KRT31: variants seen among roughly 807,000 people sequenced by gnomAD.
The protein encoded by KRT31 is keratin, type I cuticular Ha1.
Under a neutral mutation model 40.8 loss-of-function variants are expected in KRT31, and 27 were observed. The ratio of observed to expected loss-of-function variants is 0.66; its 90% confidence interval spans 0.49 to 0.91. The LOEUF (loss-of-function observed/expected upper bound fraction) is 0.91, where lower values mean the gene tolerates loss of function less well. KRT31 is among the 40% of genes least tolerant of loss of function. KRT31 has a pLI of 0.00. For synonymous variants in KRT31, 231 were observed against 231.9 expected, an observed-to-expected ratio of 1.00 and a Z score of 0.03; for missense variants, 510 against 544.1, an observed-to-expected ratio of 0.94 and a Z score of 0.62.
rs755722513 is a variant in KRT31, at chr17:41,395,640, T to C, written c.589-17A>G. ...ATTGACCTCCTATGGATGCAGAAAATACAAGAGTTACTATGCTCAGCAAAG... is the reference window on the plus strand; with the variant it reads ...ATTGACCTCCTATGGATGCAGAAAACACAAGAGTTACTATGCTCAGCAAAG... On this transcript the variant is annotated splice_polypyrimidine_tract_variant and intron_variant, in intron 3 of 6. Transcript: ENST00000251645. 6.2e-7 allele frequency: 1 copy of C among 1,610,914 alleles called. No homozygotes were observed. The highest frequency in any genetic ancestry group is 8.5e-7 in the Non-Finnish European group (1 of 1,178,356).
In KRT31 at chr17:41,393,843, A is replaced by G. The variant is rs748672184; in HGVS notation, c.*173T>C. On this transcript the variant is annotated 3_prime_UTR_variant, in exon 7 of 7. Coordinates refer to ENST00000251645, the MANE Select transcript of KRT31 (RefSeq NM_002277.3). ...CCAGGAAGGAAAGGGTGAGCAGGACAGTCTGGAGTAGTTGGGGAGGCTACA... is the reference window on the plus strand; with the variant it reads ...CCAGGAAGGAAAGGGTGAGCAGGACGGTCTGGAGTAGTTGGGGAGGCTACA... The G allele has an allele frequency of 6.4e-6, 4 of 620,262 alleles. No individual in the cohort carries two copies. Among genetic ancestry groups the G allele is most frequent in the Non-Finnish European group, 1.1e-5 (4 of 370,464 alleles). The allele number at this position is 620,262 out of a possible 1,614,324, so 38.4% of individuals were successfully genotyped here. A position where few individuals can be genotyped will look rare whatever the true frequency, so the allele number is the denominator to read the frequency against.
In KRT31 at chr17:41,395,068, G is replaced by A. The variant is rs1004586037; in HGVS notation, c.877C>T (p.Arg293Ter). 4 of 1,614,192 alleles carry A rather than the reference G, an allele frequency of 2.5e-6. No individual in the cohort carries two copies. The highest frequency in any genetic ancestry group is 2.2e-5 in the East Asian group (1 of 44,888). ...EIELQAQHNL[R>*]DSLENTLTES... ...GTCAGCGTGTTTTCCAGAGAGTCTC[G>A]CTGTGGTGGAGAAGATTGGGAATGT... Residue 293 changes from arginine to a stop codon, truncating the protein, a stop_gained and splice_region_variant, in exon 6 of 7, where the codon CGA (arginine) becomes TGA (stop). Coordinates refer to ENST00000251645, the MANE Select transcript of KRT31 (RefSeq NM_002277.3). LOFTEE classifies it high-confidence loss of function.
chr17:41,395,092 G>A (rs1260055596), intron 5 of KRT31, 24 bp from the exon 6 acceptor site: 1 of 1,613,658 alleles, frequency 6.2e-7, no homozygotes, highest in Admixed American at 1.7e-5. Flanking sequence ...GATTGGGAAT[G>A]TCAGAGAGCT....
chr17:41,397,036 T>C, intron 1 of KRT31, 41 bp from the exon 2 acceptor site: 1 of 1,586,154 alleles, frequency 6.3e-7, no homozygotes, highest in Non-Finnish European at 8.6e-7. Context: ...TGAAAATAAA[T>C]ATGAAATCAT....
In KRT31 at chr17:41,395,617, T is replaced by C. The variant is rs556966834; in HGVS notation, c.595A>G (p.Asn199Asp). ...TCTCCAAGCTGGCAGCGCAGGGTAT[T>C]GACCTCCTATGGATGCAGAAAATAC... ...CLKSNHEQEV[N>D]TLRCQLGDRL... The change falls in exon 4 of 7, where the codon AAT becomes GAT. Residue 199 changes from asparagine to aspartate, a missense_variant. By Grantham distance (23) the Asn-to-Asp change is conservative. Transcript: ENST00000251645. 68 of 1,613,938 alleles carry C rather than the reference T, an allele frequency of 4.2e-5. 1 individual carries two copies. In the South Asian group the frequency reaches 7.2e-4, roughly 17 times the overall value.
Position 41,395,065 on chromosome 17 carries a change from C to A in KRT31, c.880G>T (p.Asp294Tyr), listed in dbSNP as rs1235920725. The A allele has an allele frequency of 6.2e-7, 1 of 1,614,230 alleles. No homozygotes were observed. The highest frequency in any genetic ancestry group is 8.5e-7 in the Non-Finnish European group (1 of 1,180,032). Residue 294 changes from aspartate to tyrosine, a missense_variant, in exon 6 of 7, where the codon GAC becomes TAC. Transcript: ENST00000251645. The part of the protein sequence containing the change: ...IELQAQHNLR[D>Y]SLENTLTESE... ...TCTGTCAGCGTGTTTTCCAGAGAGT[C>A]TCGCTGTGGTGGAGAAGATTGGGAA...
Position 41,397,407 on chromosome 17 carries a change from T to G in KRT31, c.133A>C (p.Asn45His), listed in dbSNP as rs560199474. Residue 45 changes from asparagine (N) to histidine (H), a missense_variant, in exon 1 of 7, where the codon AAC becomes CAC. Transcript: ENST00000251645. Reference sequence around the variant, plus strand: ...TTGAAGGAGCCCTCGCAGAACCAGTTGCAGTTGCTCACATTGGCGGGGATG... The same window carrying G: ...TTGAAGGAGCCCTCGCAGAACCAGTGGCAGTTGCTCACATTGGCGGGGATG... ...CNIPANVSNC[N>H]WFCEGSFNGS... is the part of the protein sequence containing the mutation. The G allele has an allele frequency of 6.2e-7, 1 of 1,612,932 alleles. No homozygotes were observed. The highest frequency in any genetic ancestry group is 8.5e-7 in the Non-Finnish European group (1 of 1,180,030).
intron 6 of KRT31, among the ~76,000 whole-genome samples, chr17:41,394,455 C>T (rs1052767268): frequency 6.6e-6 from 1 of 152,152 alleles, no homozygotes; most frequent in African/African-American, 2.4e-5. Context: ...TCTCCAAGCC[C>T]CAGTTTACTT....
At chr17:41,397,049 A>G (rs555244112) in intron 1 of KRT31, 54 bp from the exon 2 acceptor site, 1 of 1,584,532 alleles carries the variant, frequency 6.3e-7, no homozygotes, top group Non-Finnish European at 8.6e-7. Context: ...GAAATCATCA[A>G]CTTTTTAAAA....
intron 6 of KRT31, 47 bp downstream of exon 6, chr17:41,394,801 A>G: frequency 6.2e-7 from 1 of 1,609,268 alleles, no homozygotes; most frequent in Non-Finnish European, 8.5e-7. Context: ...TAACTGTTAC[A>G]CTCACACGTG....
In KRT31 at chr17:41,395,603, G is replaced by A. The variant is rs765525611; in HGVS notation, c.609C>T (p.Cys203=). ...CCACATTGAGGCGGTCTCCAAGCTG[G>A]CAGCGCAGGGTATTGACCTCCTATG... ...NHEQEVNTLR[C]QLGDRLNVEV... Residue 203 remains cysteine, a synonymous_variant, in exon 4 of 7, where the codon TGC becomes TGT. Coordinates refer to ENST00000251645, the MANE Select transcript of KRT31 (RefSeq NM_002277.3). 5.0e-6 allele frequency: 8 copies of A among 1,614,198 alleles called. No individual in the cohort carries two copies. The South Asian group carries it at 8.8e-5, about 18-fold the overall frequency.
intron 4 of KRT31, 36 bp downstream of exon 4, chr17:41,395,426 C>T (rs776345933): frequency 6.2e-7 from 1 of 1,613,990 alleles, no homozygotes; most frequent in Admixed American, 1.7e-5. Context: ...CCTGGGGGGC[C>T]TTGGGTCCTG....
Position 41,395,413 on chromosome 17 carries a change from G to A in KRT31, c.751-43C>T, listed in dbSNP as rs575923836. 7 of 1,613,936 alleles carry A rather than the reference G, an allele frequency of 4.3e-6. No individual in the cohort carries two copies. In the East Asian group the frequency reaches 6.7e-5, roughly 15 times the overall value. On this transcript the variant is annotated intron_variant, in intron 4 of 6. Coordinates refer to ENST00000251645, the MANE Select transcript of KRT31 (RefSeq NM_002277.3). ...AGAAAGGATCAGACCCTGCCTCCGG[G>A]GCCCTGGGGGGCCTTGGGTCCTGAG...
intron 6 of KRT31, 85 bp downstream of exon 6, chr17:41,394,763 C>A: frequency 6.3e-7 from 1 of 1,578,102 alleles, no homozygotes. Context: ...AATTTCCTTT[C>A]CAAGGTATGC....
chr17:41,395,411 G>C (rs756524214), intron 4 of KRT31, 41 bp from the exon 5 acceptor site: 1 of 1,613,914 alleles, frequency 6.2e-7, no homozygotes, highest in South Asian at 1.1e-5. Flanking sequence ...CCCTGCCTCC[G>C]GGGCCCTGGG....
intron 4 of KRT31, 44 bp downstream of exon 4, chr17:41,395,418 T>C: frequency 1.2e-6 from 2 of 1,613,888 alleles, no homozygotes; most frequent in South Asian, 1.1e-5. Flanking sequence ...TCCGGGGCCC[T>C]GGGGGGCCTT....
chr17:41,395,113 AGGGTTT>A, intron 5 of KRT31, 45 bp from the exon 6 acceptor site: 1 of 1,612,264 alleles, frequency 6.2e-7, no homozygotes, highest in Non-Finnish European at 8.5e-7. Context: ...GCTCCTTCAA[AGGGTTT>A]CTTCACAGGA....
intron 2 of KRT31, 121 bp from the exon 3 acceptor site, chr17:41,396,697 A>C: frequency 8.7e-7 from 1 of 1,143,852 alleles, no homozygotes; most frequent in Non-Finnish European, 1.2e-6. Flanking sequence ...CAGGAGACAG[A>C]GGTTTCTGGA....
rs1406524466 is a variant in KRT31, at chr17:41,397,403, C to A, written c.137G>T (p.Trp46Leu). ...NIPANVSNCN[W>L]FCEGSFNGSE... ...ACCATTGAAGGAGCCCTCGCAGAAC[C>A]AGTTGCAGTTGCTCACATTGGCGGG... Residue 46 changes from tryptophan (W) to leucine (L), a missense_variant, in exon 1 of 7, where the codon TGG becomes TTG. Physicochemically the swap from Trp to Leu is moderately conservative, Grantham distance 61. Transcript: ENST00000251645. The A allele has an allele frequency of 4.3e-6, 7 of 1,612,930 alleles. No individual in the cohort carries two copies. The highest frequency in any genetic ancestry group is 1.1e-5 in the South Asian group (1 of 91,028).
Sources: allele counts gnomAD v4.1 joint callset (sites outside exome capture counted in the v4.1 genomes callset), GRCh38; gene constraint gnomAD v4.1.1; transcripts MANE v1.5; gene names NCBI Gene and HGNC (gene_info 2026-07-23, HGNC 2026-07-21).